RBFOX2: variants seen among roughly 807,000 people sequenced by gnomAD.
The protein encoded by RBFOX2 is RNA binding protein fox-1 homolog 2.
In RBFOX2, 10 loss-of-function variants were observed where a neutral mutation model predicts 49.1. That is an observed-to-expected ratio of 0.20 (90% CI 0.13 to 0.35). The LOEUF (loss-of-function observed/expected upper bound fraction) is 0.35, where lower values mean the gene tolerates loss of function less well. RBFOX2 is among the 10% of genes least tolerant of loss of function. RBFOX2 has a pLI of 1.00. For missense variants in RBFOX2, 323 were observed against 486.9 expected (o/e 0.66, Z 3.17); for synonymous variants, 183 against 187.4 (o/e 0.98, Z 0.19).
At chr22:35,821,938 A>G (rs968161304) in intron 1 of RBFOX2, 1 of 518,952 alleles carries the variant, frequency 1.9e-6, no homozygotes, top group Non-Finnish European at 3.8e-6. Context: ...ACCTCTTCAC[A>G]CCTTCTTTGG....
intron 1 of RBFOX2, among the ~76,000 whole-genome samples, chr22:35,954,917 A>G (rs537871009): frequency 6.6e-6 from 1 of 152,352 alleles, no homozygotes; most frequent in East Asian, 1.9e-4. Context: ...TACAAAGAGG[A>G]GACTCACAGT....
At chr22:35,839,055 G>A (rs1214583153) in intron 1 of RBFOX2, among the ~76,000 whole-genome samples, 1 of 152,100 alleles carries the variant, frequency 6.6e-6, no homozygotes, top group Non-Finnish European at 1.5e-5. Flanking sequence ...ACAAAAAAAG[G>A]GCAACCTCCT....
At chr22:35,957,900 A>G (rs1386260630) in intron 1 of RBFOX2, among the ~76,000 whole-genome samples, 1 of 152,236 alleles carries the variant, frequency 6.6e-6, no homozygotes, top group East Asian at 1.9e-4. Context: ...TTGTGTTGTG[A>G]TATTTCAATT....
At chr22:35,993,715 A>T (rs1569520420) in intron 1 of RBFOX2, 1 of 152,178 alleles carries the variant, frequency 6.6e-6, no homozygotes, top group African/African-American at 2.4e-5. Context: ...GTTGTAGTGC[A>T]CTGTGTTATG....
intron 9 of RBFOX2, chr22:35,746,765 T>C (rs971366085): frequency 7.6e-6 from 3 of 393,240 alleles, no homozygotes; most frequent in African/African-American, 6.2e-5. Flanking sequence ...CCCTACGATA[T>C]GCAAGGATTT....
At chr22:35,932,509 C>T (rs1383091345) in intron 1 of RBFOX2, among the ~76,000 whole-genome samples, 1 of 152,152 alleles carries the variant, frequency 6.6e-6, no homozygotes, top group Non-Finnish European at 1.5e-5. Context: ...ATCAATGGGA[C>T]ATTGTGTCTT....
intron 1 of RBFOX2, chr22:35,994,274 A>G (rs2150123112): frequency 6.6e-6 from 1 of 152,152 alleles, no homozygotes; most frequent in South Asian, 2.1e-4. Context: ...ATTTTAAAAC[A>G]TACTCAATAT....
chr22:35,852,131 T>G (rs2042012496), intron 1 of RBFOX2, among the ~76,000 whole-genome samples: 1 of 152,156 alleles, frequency 6.6e-6, no homozygotes, highest in African/African-American at 2.4e-5. Context: ...TTATAATAAT[T>G]ATTTACATAG....
At chr22:35,897,665 T>C (rs1293838560) in intron 1 of RBFOX2, 16 of 1,398,938 alleles carry the variant, frequency 1.1e-5, no homozygotes, top group African/African-American at 1.4e-5. Context: ...ACAATTCCTT[T>C]GGATACATCT....
intron 1 of RBFOX2, among the ~76,000 whole-genome samples, chr22:35,948,106 T>C (rs1413903550): frequency 6.6e-6 from 1 of 152,226 alleles, no homozygotes; most frequent in African/African-American, 2.4e-5. Flanking sequence ...ATAAATTAGA[T>C]ACATTAGATA....
At chr22:35,965,786 A>G (rs775450453), upstream of RBFOX2, among the ~76,000 whole-genome samples, 6 of 152,208 alleles carry the variant, frequency 3.9e-5, no homozygotes, top group Admixed American at 1.3e-4. Context: ...ACATCCTACA[A>G]GCTCGACAGG....
intron 1 of RBFOX2, among the ~76,000 whole-genome samples, chr22:35,838,185 C>G (rs1315730965): frequency 6.6e-6 from 1 of 151,646 alleles, no homozygotes; most frequent in African/African-American, 2.4e-5. Flanking sequence ...AGTATCATCT[C>G]CCAAGCAAAA....
At chr22:36,028,037 C>G (rs372151371) in intron 1 of RBFOX2, among the ~76,000 whole-genome samples, 4 of 152,178 alleles carry the variant, frequency 2.6e-5, no homozygotes, top group Admixed American at 2.6e-4. Context: ...AATCAGGACC[C>G]TCTCGGGCAC....
chr22:35,972,211 G>A (rs1311752630), intron 1 of RBFOX2, among the ~76,000 whole-genome samples: 1 of 152,000 alleles, frequency 6.6e-6, no homozygotes, highest in African/African-American at 2.4e-5. Flanking sequence ...GCTATTTTTA[G>A]AAATTTGAAG....
rs550933440 is a variant in RBFOX2 at position 35,906,035 on chromosome 22, G to C, written c.-34+32812C>G. On this transcript the variant is annotated intron_variant, in intron 1 of 13. Coordinates refer to the RBFOX2 transcript ENST00000359369. ...TAATATATAGTCAGGTATATATCTA[G>C]GTTTGTGTAAGTACATTCTATGATG... 3.3e-5 allele frequency among the ~76,000 whole-genome samples: 5 copies of C among 152,148 alleles called. No individual in the cohort carries two copies. The South Asian group carries it at 1.0e-3, about 32-fold the overall frequency.
In RBFOX2 at chr22:35,933,926, TTATATATATATATA is replaced by T. The variant is rs3075245; in HGVS notation, c.-34+4907_-34+4920del. ...GTTCTTATAATTATATAATTAAATG[TTATATATATATATA>T]TATATATATATATACACACATCAAT... On this transcript the variant is annotated intron_variant, in intron 1 of 13. Transcript: ENST00000359369. 7.1e-4 allele frequency among the ~76,000 whole-genome samples: 84 copies of T among 118,006 alleles called. 1 individual carries two copies. Among genetic ancestry groups the T allele is most frequent in the African/African-American group, 3.1e-3 (79 of 25,444 alleles). The allele number at this position is 118,006 out of a possible 152,430, so 77.4% of individuals were successfully genotyped here.
intron 1 of RBFOX2, among the ~76,000 whole-genome samples, chr22:35,933,744 C>T (rs1417010882): frequency 6.6e-6 from 1 of 151,846 alleles, no homozygotes; most frequent in East Asian, 1.9e-4. Context: ...GTTCCCAAGT[C>T]TAATAAAGGG....
At chr22:35,806,821 G>T (rs956994225) in intron 2 of RBFOX2, among the ~76,000 whole-genome samples, 3 of 152,058 alleles carry the variant, frequency 2.0e-5, no homozygotes, top group Non-Finnish European at 4.4e-5. Flanking sequence ...TTCGGGGAGT[G>T]GGGGACGGAG....
chr22:35,894,978 T>TA (rs397936423), intron 1 of RBFOX2, among the ~76,000 whole-genome samples: 23,070 of 135,480 alleles, frequency 0.17, 2,230 homozygotes, highest in Admixed American at 0.28. Context: ...TAAAAAATCC[T>TA]AAAAAAAAAA....
Sources: gnomAD v4.1 joint callset for allele counts (sites outside exome capture counted in the v4.1 genomes callset) on GRCh38, gnomAD v4.1.1 for gene constraint, MANE v1.5 for transcripts, NCBI Gene and HGNC (gene_info 2026-07-23, HGNC 2026-07-21) for gene names.